The following APLP2 variants were observed in gnomAD, a reference collection of about 807,000 sequenced individuals.
The protein encoded by APLP2 is amyloid beta precursor like protein 2, also known as CDEI box-binding protein.
A neutral mutation model predicts 89.9 loss-of-function variants in APLP2; 53 were observed. The ratio of observed to expected loss-of-function variants is 0.59; its 90% CI spans 0.47 to 0.74. The LOEUF is 0.74. Ranked by LOEUF, APLP2 falls within the 30% of genes least tolerant of loss-of-function variation. The probability of loss-of-function intolerance (pLI) is 0.00; values close to 1 mark genes in which losing one functional copy is unlikely to be tolerated. For missense variants in APLP2, 973 were observed against 975.9 expected, an observed-to-expected ratio of 1.00 and a Z score of 0.04; for synonymous variants, 372 against 348.6, an observed-to-expected ratio of 1.07 and a Z score of -0.75.
intron 1 of APLP2, among the ~76,000 whole-genome samples, chr11:130,091,590 G>A (rs1366908222): frequency 2.1e-5 from 3 of 142,468 alleles, no homozygotes; most frequent in East Asian, 4.5e-4. Context: ...CCGGGTGGGG[G>A]GGCTGACCCC....
chr11:130,073,132 T>G (rs1041929618), intron 1 of APLP2, among the ~76,000 whole-genome samples: 1 of 152,228 alleles, frequency 6.6e-6, no homozygotes, highest in South Asian at 2.1e-4. Context: ...AAATTTAGCT[T>G]CTGAATTGAG....
chr11:130,135,922 GTTAAGA>G (rs1159132709), intron 13 of APLP2, among the ~76,000 whole-genome samples: 1 of 152,204 alleles, frequency 6.6e-6, no homozygotes, highest in African/African-American at 2.4e-5. Flanking sequence ...TCACCATGAA[GTTAAGA>G]CTAATTCTCC....
intron 3 of APLP2, 96 bp from the exon 4 acceptor site, chr11:130,120,610 C>T: frequency 3.5e-6 from 3 of 848,970 alleles, no homozygotes; most frequent in South Asian, 2.8e-5. Flanking sequence ...TGAGACTGCT[C>T]CTGGCTGTGT....
chr11:130,091,821 A>AC (rs1344663253), intron 1 of APLP2, among the ~76,000 whole-genome samples: 988 of 110,148 alleles, frequency 9.0e-3, no homozygotes, highest in African/African-American at 0.014. Context: ...CGGGGGGCTG[A>AC]CCCCCCCCCA....
intron 3 of APLP2, among the ~76,000 whole-genome samples, chr11:130,112,645 G>GCT (rs1402341770): frequency 1.3e-5 from 2 of 152,114 alleles, no homozygotes; most frequent in Non-Finnish European, 2.9e-5. Flanking sequence ...CACTGCCCTA[G>GCT]CTCAGCCTGT....
intron 8 of APLP2, 112 bp downstream of exon 8, chr11:130,126,942 G>GTC: frequency 6.8e-7 from 1 of 1,464,758 alleles, no homozygotes; most frequent in Non-Finnish European, 9.4e-7. Flanking sequence ...GATGTATAAG[G>GTC]ACTGGTGAGT....
intron 1 of APLP2, among the ~76,000 whole-genome samples, chr11:130,090,653 A>G (rs1944828562): frequency 6.6e-6 from 1 of 152,008 alleles, no homozygotes. Flanking sequence ...AAAGTCTCCC[A>G]TGTCTACTTC....
chr11:130,123,483 C>A lies in APLP2; in HGVS notation c.923-129C>A, dbSNP rs1266857860. On this transcript the variant is annotated intron_variant, in intron 6 of 16. Coordinates refer to ENST00000338167, the MANE Select transcript of APLP2 (RefSeq NM_001142276.2). The surrounding 1 kb of genome is among the most constrained non-coding windows in gnomAD (Gnocchi z 4.0). The stretch of plus-strand genomic sequence containing the variant: ...TGGCCTGAGCTGGAGCTTTCGGCCA[C>A]CGGGCCTCCAGGCTCCGTCCAGTCT... 1 of 991,678 alleles carries A rather than the reference C, an allele frequency of 1.0e-6. No individual in the cohort carries two copies. 61.4% of individuals were successfully genotyped at this position (991,678 alleles called of 1,614,324 possible).
chr11:130,113,229 C>T (rs1236350881), intron 3 of APLP2, among the ~76,000 whole-genome samples: 1 of 152,162 alleles, frequency 6.6e-6, no homozygotes, highest in Admixed American at 6.5e-5. Context: ...AATTACAACA[C>T]AAAAATACTA....
At chr11:130,103,644 A>T (rs1024736139) in intron 1 of APLP2, among the ~76,000 whole-genome samples, 3 of 152,172 alleles carry the variant, frequency 2.0e-5, no homozygotes, top group African/African-American at 7.2e-5. Context: ...TAACATGTGG[A>T]ACATAATCTT....
At chr11:130,138,062 C>T (rs1951844834) in intron 13 of APLP2, among the ~76,000 whole-genome samples, 1 of 152,140 alleles carries the variant, frequency 6.6e-6, no homozygotes. Flanking sequence ...TCTCTGTTCC[C>T]CAAGCCCATG....
chr11:130,129,657 A>G (rs936246632), intron 10 of APLP2, among the ~76,000 whole-genome samples: 4 of 152,170 alleles, frequency 2.6e-5, no homozygotes, highest in African/African-American at 9.7e-5. Flanking sequence ...TGGGGGATGG[A>G]AAGTATTGGG....
At chr11:130,124,555 C>T (rs1950175787) in intron 7 of APLP2, among the ~76,000 whole-genome samples, 1 of 152,154 alleles carries the variant, frequency 6.6e-6, no homozygotes, top group Non-Finnish European at 1.5e-5. Flanking sequence ...GCAGCACTAA[C>T]CTACACATTA....
Position 130,123,017 on chromosome 11 carries a change from A to T in APLP2, c.922+504A>T, listed in dbSNP as rs1275048351. Among the ~76,000 whole-genome samples the T allele has an allele frequency of 6.6e-6, 1 of 151,968 alleles. No individual in the cohort carries two copies. Among genetic ancestry groups the T allele is most frequent in the Non-Finnish European group, 1.5e-5 (1 of 68,006 alleles). On this transcript the variant is annotated intron_variant, in intron 6 of 16. Coordinates refer to ENST00000338167, the MANE Select transcript of APLP2 (RefSeq NM_001142276.2). The surrounding 1 kb of genome is among the most constrained non-coding windows in gnomAD (Gnocchi z 4.0). ...GTTTTTTTTTTTTCTCATCTTGCCA[A>T]TTAAAACACGAAAAGGTTGCAGTAG...
Position 130,140,456 on chromosome 11 carries a change from C to G in APLP2, c.1896C>G (p.Asn632Lys). The G allele has an allele frequency of 6.2e-7, 1 of 1,611,544 alleles. No homozygotes were observed. The highest frequency in any genetic ancestry group is 8.5e-7 in the Non-Finnish European group (1 of 1,178,988). Residue 632 changes from asparagine to lysine, a missense_variant, in exon 14 of 17, where the codon AAC (asparagine) becomes AAG (lysine). Transcript: ENST00000338167. ...GLIGAEEKVI[N>K]SKNKVDENMV... is the part of the protein sequence containing the mutation. ...TCGGTGCCGAAGAGAAAGTGATTAA[C>G]AGTAAGAATAAAGTGGATGAAAACA...
chr11:130,127,671 CT>C (rs2136009881), intron 8 of APLP2, 94 bp from the exon 9 acceptor site: 3 of 1,031,640 alleles, frequency 2.9e-6, no homozygotes, highest in Middle Eastern at 2.1e-4. Context: ...TTGCAGTTTC[CT>C]GTGAGATTTA....
Position 130,137,015 on chromosome 11 carries a change from A to C in APLP2, c.1837+1300A>C, listed in dbSNP as rs1013496478. Among the ~76,000 whole-genome samples, 14 of 152,192 alleles carry C rather than the reference A, an allele frequency of 9.2e-5. No homozygotes were observed. The East Asian group carries it at 2.7e-3, about 29-fold the overall frequency. ...GTGCAGGCATCTCCCAGTTTCCCTA[A>C]AAAGGCACAAGACAGACCTACTTTT... On this transcript the variant is annotated intron_variant, in intron 13 of 16. Transcript: ENST00000338167.
chr11:130,090,265 TTTTA>T (rs1248629270), intron 1 of APLP2, among the ~76,000 whole-genome samples: 20 of 147,784 alleles, frequency 1.4e-4, no homozygotes, highest in East Asian at 4.0e-4. Context: ...TTTTTTTTTT[TTTTA>T]AATTTATTTT....
At chr11:130,087,937 A>G (rs960331178) in intron 1 of APLP2, among the ~76,000 whole-genome samples, 7 of 152,244 alleles carry the variant, frequency 4.6e-5, no homozygotes, top group African/African-American at 1.7e-4. Context: ...AACAATAGGA[A>G]TAGTATTCAG....
Sources: allele counts gnomAD v4.1 joint callset (sites outside exome capture counted in the v4.1 genomes callset), GRCh38; gene constraint gnomAD v4.1.1; non-coding constraint Gnocchi (gnomAD v3.1); transcripts MANE v1.5; gene names NCBI Gene and HGNC (gene_info 2026-07-23, HGNC 2026-07-21).